The following MAGI1 variants were observed in gnomAD, a reference collection of about 807,000 sequenced individuals.
MAGI1 encodes the protein membrane-associated guanylate kinase, WW and PDZ domain-containing protein 1.
Under a neutral mutation model 139.9 loss-of-function variants are expected in MAGI1, and 58 were observed. That is an observed-to-expected ratio of 0.41 (90% CI 0.34 to 0.52). The LOEUF (loss-of-function observed/expected upper bound fraction) is 0.52. MAGI1 is among the 20% of genes least tolerant of loss of function. MAGI1 has a pLI of 0.12. For missense variants in MAGI1, 1,874 were observed against 1,901.6 expected, an observed-to-expected ratio of 0.99 and a Z score of 0.27; for synonymous variants, 812 against 737.9, an observed-to-expected ratio of 1.10 and a Z score of -1.63.
At chr3:65,816,841 G>A (rs1345552346) in intron 1 of MAGI1, among the ~76,000 whole-genome samples, 1 of 152,126 alleles carries the variant, frequency 6.6e-6, no homozygotes, top group Non-Finnish European at 1.5e-5. Flanking sequence ...AAAATGTTTT[G>A]TCAACAACTT....
chr3:65,993,709 C>T, intron 1 of MAGI1, among the ~76,000 whole-genome samples: 1 of 152,170 alleles, frequency 6.6e-6, no homozygotes, highest in Admixed American at 6.5e-5. Context: ...CATCTTACAT[C>T]ATTTTCAGAC....
intron 12 of MAGI1, among the ~76,000 whole-genome samples, chr3:65,417,741 A>C (rs1575671354): frequency 1.3e-5 from 2 of 152,160 alleles, no homozygotes; most frequent in African/African-American, 4.8e-5. Context: ...GGCAAGAGTA[A>C]GGACAGATGT....
At chr3:65,774,694 G>A (rs1447066704) in intron 1 of MAGI1, among the ~76,000 whole-genome samples, 1 of 151,998 alleles carries the variant, frequency 6.6e-6, no homozygotes, top group African/African-American at 2.4e-5. Context: ...TTTCCTATTT[G>A]GTGATGAACA....
rs905520926 is a variant in MAGI1, at chr3:65,357,101, G to A, written c.3666C>T (p.Thr1222=). The change falls in exon 23 of 23, where the codon ACC becomes ACT. Residue 1222 remains threonine, a synonymous_variant. Transcript: ENST00000402939. ...TCACTTCCGGAACACCTTGTGGACC[G>A]GTGGCGGGGCCGTGGCGGTCGCTGC... The part of the protein sequence containing the change: ...DPSSDRHGPA[T]GPQGVPEVRA... 6.2e-7 allele frequency: 1 copy of A among 1,613,042 alleles called. No individual in the cohort carries two copies. The highest frequency in any genetic ancestry group is 1.1e-5 in the South Asian group (1 of 90,986).
At chr3:65,566,844 G>A (rs913372677) in intron 2 of MAGI1, among the ~76,000 whole-genome samples, 3 of 150,566 alleles carry the variant, frequency 2.0e-5, no homozygotes, top group Admixed American at 6.6e-5. Context: ...TGATCCACCC[G>A]CCTGGGCCTC....
chr3:65,426,739 T>C (rs1186111319), intron 12 of MAGI1, among the ~76,000 whole-genome samples: 4 of 152,210 alleles, frequency 2.6e-5, no homozygotes, highest in African/African-American at 9.7e-5. Flanking sequence ...TATATTTATA[T>C]GCCTTCCAGA....
intron 2 of MAGI1, among the ~76,000 whole-genome samples, chr3:65,588,193 T>C (rs1331153474): frequency 6.6e-6 from 1 of 152,204 alleles, no homozygotes; most frequent in Non-Finnish European, 1.5e-5. Flanking sequence ...GGAAACTCTA[T>C]GCTCCTTTAT....
chr3:65,396,904 G>T (rs536775672), intron 13 of MAGI1, among the ~76,000 whole-genome samples: 87 of 152,152 alleles, frequency 5.7e-4, no homozygotes, highest in Non-Finnish European at 9.7e-4. Flanking sequence ...AAAGGTGGGC[G>T]AGAGGAGTTA....
At chr3:65,537,212 A>G (rs1251022886) in intron 2 of MAGI1, among the ~76,000 whole-genome samples, 1 of 152,156 alleles carries the variant, frequency 6.6e-6, no homozygotes, top group Non-Finnish European at 1.5e-5. Flanking sequence ...AAACACATTT[A>G]TTCCAACATG....
intron 1 of MAGI1, among the ~76,000 whole-genome samples, chr3:65,773,238 C>T (rs1341119597): frequency 6.6e-6 from 1 of 152,088 alleles, no homozygotes; most frequent in Non-Finnish European, 1.5e-5. Context: ...GATTAACAAC[C>T]TTAAGAGTAG....
Position 65,357,134 on chromosome 3 carries a change from T to A in MAGI1, c.3635-2A>T, listed in dbSNP as rs1249006788. The A allele has an allele frequency of 1.2e-6, 2 of 1,602,602 alleles. No homozygotes were observed. On this transcript the variant is annotated splice_acceptor_variant, in intron 22 of 22. Coordinates refer to ENST00000402939, the MANE Select transcript of MAGI1 (RefSeq NM_001033057.2). LOFTEE classifies it high-confidence loss of function. ...GGCCGTGGCGGTCGCTGCTGGGGTC[T>A]GCCAGGAAAATAAACGAGAGCAACA...
At chr3:65,425,270 T>C (rs1213207173) in intron 12 of MAGI1, among the ~76,000 whole-genome samples, 2 of 152,176 alleles carry the variant, frequency 1.3e-5, no homozygotes, top group Non-Finnish European at 2.9e-5. Flanking sequence ...ACGTCAGGAA[T>C]TGGCACAAAT....
At chr3:65,467,460 T>C (rs1190707451) in intron 5 of MAGI1, among the ~76,000 whole-genome samples, 1 of 152,224 alleles carries the variant, frequency 6.6e-6, no homozygotes, top group Non-Finnish European at 1.5e-5. Flanking sequence ...AAATGATATG[T>C]ATCTAATCAC....
chr3:65,556,968 G>A (rs564938878), intron 2 of MAGI1, among the ~76,000 whole-genome samples: 64 of 152,218 alleles, frequency 4.2e-4, no homozygotes, highest in African/African-American at 1.5e-3. Flanking sequence ...CTGACCACCT[G>A]GGAAAGGCTC....
rs1237317891 is a variant in MAGI1, at chr3:65,353,597, A to G, written c.*2781T>C. The G allele has an allele frequency of 6.6e-6, 1 of 152,222 alleles. No individual in the cohort carries two copies. The highest frequency in any genetic ancestry group is 2.4e-5 in the African/African-American group (1 of 41,450). 9.4% of individuals were successfully genotyped at this position (152,222 alleles called of 1,614,324 possible). A position where few individuals can be genotyped will look rare whatever the true frequency, so the allele number is the denominator to read the frequency against. On this transcript the variant is annotated 3_prime_UTR_variant, in exon 23 of 23. Coordinates refer to ENST00000402939, the MANE Select transcript of MAGI1 (RefSeq NM_001033057.2). ...CATTAAAAAATCTTTCACAAAAGAA[A>G]CTTAAAAAATACAATTAGGGTGTTG...
chr3:65,674,657 G>T (rs147708418), intron 1 of MAGI1, among the ~76,000 whole-genome samples: 1 of 152,002 alleles, frequency 6.6e-6, no homozygotes, highest in Non-Finnish European at 1.5e-5. Flanking sequence ...ATTCCAGTGC[G>T]CCCTTCACTT....
chr3:65,825,615 T>C (rs1489254956), intron 1 of MAGI1, among the ~76,000 whole-genome samples: 1 of 152,160 alleles, frequency 6.6e-6, no homozygotes, highest in Non-Finnish European at 1.5e-5. Context: ...GCAATGGACT[T>C]CTAAAACACC....
At chr3:65,724,413 T>C (rs77063686) in intron 1 of MAGI1, among the ~76,000 whole-genome samples, 19 of 152,324 alleles carry the variant, frequency 1.2e-4, no homozygotes, top group Non-Finnish European at 2.6e-4. Flanking sequence ...TAACTTCACC[T>C]GAGTATAGTC....
intron 1 of MAGI1, among the ~76,000 whole-genome samples, chr3:65,626,345 G>T (rs2083970303): frequency 6.6e-6 from 1 of 152,172 alleles, no homozygotes; most frequent in East Asian, 1.9e-4. Context: ...TTTTTTTGGA[G>T]ACAGAGTCTT....
Sources: gnomAD v4.1 joint callset for allele counts (sites outside exome capture counted in the v4.1 genomes callset) on GRCh38, gnomAD v4.1.1 for gene constraint, MANE v1.5 for transcripts, NCBI Gene and HGNC (gene_info 2026-07-23, HGNC 2026-07-21) for gene names.